Variants in DNAJA1 observed in about 807,000 individuals in gnomAD.
The protein encoded by DNAJA1 is DnaJ heat shock protein family (Hsp40) member A1.
DNAJA1 carries 26 observed loss-of-function variants against 47.6 expected under a neutral mutation model. The observed-to-expected ratio is 0.55, with a 90% CI of 0.40 to 0.76. The LOEUF (loss-of-function observed/expected upper bound fraction) is 0.76. Ranked by LOEUF, DNAJA1 falls within the 30% of genes least tolerant of loss-of-function variation. The pLI is 0.00. For missense variants in DNAJA1, 315 were observed against 485.0 expected, an observed-to-expected ratio of 0.65 and a Z score of 3.29; for synonymous variants, 165 against 158.4, an observed-to-expected ratio of 1.04 and a Z score of -0.31.
chr9:33,032,047 T>C (rs1838970247), intron 5 of DNAJA1, among the ~76,000 whole-genome samples: 1 of 152,262 alleles, frequency 6.6e-6, no homozygotes, highest in African/African-American at 2.4e-5. Flanking sequence ...GTCAACATTA[T>C]GGTAATCTCT....
Position 33,038,878 on chromosome 9 carries a change from G to A in DNAJA1, c.1169G>A (p.Gly390Asp). 1 of 1,613,248 alleles carries A rather than the reference G, an allele frequency of 6.2e-7. No individual in the cohort carries two copies. The highest frequency in any genetic ancestry group is 1.1e-5 in the South Asian group (1 of 90,996). ...GAGGATGATGAACATCATCCCAGAGGTGGTGTTCAGTGTCAGACCTCTTAA... is the reference window on the plus strand; with the variant it reads ...GAGGATGATGAACATCATCCCAGAGATGGTGTTCAGTGTCAGACCTCTTAA... ...AYEDDEHHPR[G>D]GVQCQTS The change falls in exon 9 of 9, where the codon GGT becomes GAT. Residue 390 changes from glycine to aspartate, a missense_variant. Gly to Asp is a moderately conservative substitution (Grantham distance 94). Transcript: ENST00000330899.
chr9:33,029,484 C>T (rs2119381731), intron 3 of DNAJA1, among the ~76,000 whole-genome samples: 1 of 152,302 alleles, frequency 6.6e-6, no homozygotes, highest in Non-Finnish European at 1.5e-5. Flanking sequence ...AAGTAATTGG[C>T]CATGTTGCTC....
chr9:33,035,269 G>A (rs947808478), intron 6 of DNAJA1, among the ~76,000 whole-genome samples: 3 of 151,852 alleles, frequency 2.0e-5, no homozygotes, highest in African/African-American at 4.8e-5. Context: ...CCCTGAGGCA[G>A]GAGAATCACT....
At chr9:33,029,198 C>T (rs1262687978) in intron 3 of DNAJA1, among the ~76,000 whole-genome samples, 2 of 152,200 alleles carry the variant, frequency 1.3e-5, no homozygotes, top group Non-Finnish European at 2.9e-5. Context: ...TTTACATGCT[C>T]AATAAGCACA....
At chr9:33,036,724 C>G (rs1249669091) in intron 7 of DNAJA1, 35 bp downstream of exon 7, 1 of 1,469,620 alleles carries the variant, frequency 6.8e-7, no homozygotes, top group Non-Finnish European at 9.5e-7. Flanking sequence ...CTTCTCTTTT[C>G]TATTCTAGTA....
chr9:33,036,874 A>C, intron 7 of DNAJA1, 141 bp from the exon 8 acceptor site: 2 of 846,126 alleles, frequency 2.4e-6, no homozygotes, highest in Non-Finnish European at 3.6e-6. Flanking sequence ...TGGAAAACCC[A>C]TAAGTGAAAG....
At chr9:33,037,444 G>A (rs1839054647) in intron 8 of DNAJA1, 2 of 174,820 alleles carry the variant, frequency 1.1e-5, no homozygotes, top group African/African-American at 4.8e-5. Context: ...TGCTTTGGGA[G>A]GCCAAGACAG....
At chr9:33,037,263 G>A (rs1180831218) in intron 8 of DNAJA1, 148 bp downstream of exon 8, 1 of 542,932 alleles carries the variant, frequency 1.8e-6, no homozygotes, top group African/African-American at 1.9e-5. Flanking sequence ...CTTGAGCCCT[G>A]GAGTTTTGAG....
chr9:33,037,543 A>G (rs1187373506), intron 8 of DNAJA1, among the ~76,000 whole-genome samples: 2 of 152,060 alleles, frequency 1.3e-5, no homozygotes, highest in African/African-American at 4.8e-5. Context: ...TTAGCCAGGC[A>G]TGGTGGCACA....
intron 6 of DNAJA1, among the ~76,000 whole-genome samples, 171 bp downstream of exon 6, chr9:33,034,501 T>G (rs758238385): frequency 3.7e-4 from 56 of 152,200 alleles, no homozygotes; most frequent in South Asian, 1.2e-3. Context: ...TAGGATCAGA[T>G]TTTTAGCTTT....
In DNAJA1 at chr9:33,038,865, C is replaced by T. The variant is rs568893066; in HGVS notation, c.1156C>T (p.His386Tyr). ...YNGEAYEDDE[H>Y]HPRGGVQCQT... is the part of the protein sequence containing the mutation. ...TGGAGAAGCATATGAGGATGATGAA[C>T]ATCATCCCAGAGGTGGTGTTCAGTG... The change falls in exon 9 of 9, where the codon CAT becomes TAT. Residue 386 changes from histidine to tyrosine, a missense_variant. Around this residue, in one of 4 missense-constraint regions of DNAJA1, gnomAD observed 162 missense variants for 185.4 expected, o/e 0.87. Transcript: ENST00000330899. 4 of 1,613,770 alleles carry T rather than the reference C, an allele frequency of 2.5e-6. No homozygotes were observed. Among genetic ancestry groups the T allele is most frequent in the Non-Finnish European group, 3.4e-6 (4 of 1,179,940 alleles).
chr9:33,031,159 C>T (rs1272144534), intron 5 of DNAJA1, among the ~76,000 whole-genome samples: 1 of 152,204 alleles, frequency 6.6e-6, no homozygotes, highest in African/African-American at 2.4e-5. Context: ...TGCAATGGCA[C>T]GATCTCAGCT....
rs747769515 is a variant in DNAJA1, at chr9:33,029,997, GTTTTT to G, written c.415+11_415+15del. The G allele has an allele frequency of 1.4e-5, 22 of 1,608,096 alleles. No individual in the cohort carries two copies. The highest frequency in any genetic ancestry group is 2.7e-5 in the African/African-American group (2 of 74,580). On this transcript the variant is annotated intron_variant, in intron 4 of 8. Coordinates refer to ENST00000330899, the MANE Select transcript of DNAJA1 (RefSeq NM_001539.4). ...TTTGTGACAAATGTGAAGGTACGGT[GTTTTT>G]TTGTTTTGTTTTGTTTTGTTTTTAA...
chr9:33,039,083 G>T lies in DNAJA1; in HGVS notation c.*180G>T. 1.6e-6 allele frequency: 1 copy of T among 621,792 alleles called. No individual in the cohort carries two copies. Among genetic ancestry groups the T allele is most frequent in the Admixed American group, 3.0e-5 (1 of 32,990 alleles). 38.5% of individuals were successfully genotyped at this position (621,792 alleles called of 1,614,324 possible). A position where few individuals can be genotyped will look rare whatever the true frequency, so the allele number is the denominator to read the frequency against. On this transcript the variant is annotated 3_prime_UTR_variant, in exon 9 of 9. Coordinates refer to ENST00000330899, the MANE Select transcript of DNAJA1 (RefSeq NM_001539.4). Reference sequence around the variant, plus strand: ...TAAAAGCTCTGATTTTGCCCTGTATGTATGATGACTTCAGTGTGCAAGATG... The same window carrying T: ...TAAAAGCTCTGATTTTGCCCTGTATTTATGATGACTTCAGTGTGCAAGATG...
At chr9:33,037,238 G>A in intron 8 of DNAJA1, 123 bp downstream of exon 8, 2 of 680,340 alleles carry the variant, frequency 2.9e-6, no homozygotes, top group Non-Finnish European at 4.8e-6. Flanking sequence ...TTGAGAGGCT[G>A]AGGCAGGAGG....
chr9:33,030,299 T>A lies in DNAJA1; in HGVS notation c.416-141T>A. 3 of 758,072 alleles carry A rather than the reference T, an allele frequency of 4.0e-6. No individual in the cohort carries two copies. The South Asian group carries it at 5.8e-5, about 15-fold the overall frequency. The allele number at this position is 758,072 out of a possible 1,614,324, so 47.0% of individuals were successfully genotyped here. A position where few individuals can be genotyped will look rare whatever the true frequency, so the allele number is the denominator to read the frequency against. On this transcript the variant is annotated intron_variant, in intron 4 of 8. Transcript: ENST00000330899. ...AATGAAACTCATTGGAATGATCTCA[T>A]CAGTTGTACATTCAGAGGGTAGCAT...
Position 33,026,562 on chromosome 9 carries a change from T to C in DNAJA1, c.78T>C (p.Tyr26=), listed in dbSNP as rs376314977. ...NATQEELKKA[Y]RKLALKYHPD... ...CTCAGGAAGAATTGAAAAAGGCTTA[T>C]AGGAAACTGGCTTTGAAGTACCATC... Residue 26 remains tyrosine, a synonymous_variant, in exon 2 of 9, where the codon TAT becomes TAC. Transcript: ENST00000330899. 182 of 1,611,700 alleles carry C rather than the reference T, an allele frequency of 1.1e-4. 1 individual carries two copies. The highest frequency in any genetic ancestry group is 1.4e-4 in the Non-Finnish European group (168 of 1,179,504).
chr9:33,031,893 C>CT (rs1023758732), intron 5 of DNAJA1, among the ~76,000 whole-genome samples: 5 of 151,876 alleles, frequency 3.3e-5, no homozygotes, highest in South Asian at 2.1e-4. Flanking sequence ...ACTATATAAC[C>CT]TTTTTTTTGT....
rs1020284462 is a variant in DNAJA1 at position 33,032,875 on chromosome 9, T to C, written c.644-1341T>C. ...GCGTAGGGGTGTAATACATGAAATA[T>C]TAGTCATGAGTTAGTAACTGCTGAA... On this transcript the variant is annotated intron_variant, in intron 5 of 8. Coordinates refer to ENST00000330899, the MANE Select transcript of DNAJA1 (RefSeq NM_001539.4). 1.7e-4 allele frequency among the ~76,000 whole-genome samples: 26 copies of C among 152,154 alleles called. 1 individual carries two copies. The highest frequency in any genetic ancestry group is 6.0e-4 in the African/African-American group (25 of 41,428).
Sources: gnomAD v4.1 joint callset for allele counts (sites outside exome capture counted in the v4.1 genomes callset) on GRCh38, gnomAD v4.1.1 for gene constraint, gnomAD v4.1.1 regional missense constraint, MANE v1.5 for transcripts, NCBI Gene and HGNC (gene_info 2026-07-23, HGNC 2026-07-21) for gene names.